Variants in RPS12 observed in about 807,000 individuals in gnomAD.
The protein encoded by RPS12 is small ribosomal subunit protein eS12.
Under a neutral mutation model 17.2 loss-of-function variants are expected in RPS12, and 1 was observed. The observed-to-expected ratio is 0.06, with a 90% CI of 0.02 to 0.28. The LOEUF (loss-of-function observed/expected upper bound fraction) is 0.28. Among genes scored for constraint, RPS12 ranks in the 10% least tolerant of loss-of-function variants. The pLI is 1.00. For synonymous variants in RPS12, 67 were observed against 54.0 expected (o/e 1.24, Z -1.06); for missense variants, 146 against 162.1 (o/e 0.90, Z 0.54).
chr6:132,816,421 C>T, intron 3 of RPS12, 40 bp from the exon 4 acceptor site: 5 of 1,464,148 alleles, frequency 3.4e-6, no homozygotes, highest in Non-Finnish European at 4.8e-6. Context: ...GGATTTGGAT[C>T]TGAGTTTTAG....
At chr6:132,815,724 G>A (rs1782035645) in intron 3 of RPS12, 2 of 456,466 alleles carry the variant, frequency 4.4e-6, no homozygotes, top group Admixed American at 4.7e-5. Context: ...GATGGAAACG[G>A]CATTATTGTT....
Position 132,816,508 on chromosome 6 carries a change from T to C in RPS12, c.179T>C (p.Met60Thr). 1 of 1,607,292 alleles carries C rather than the reference T, an allele frequency of 6.2e-7. No individual in the cohort carries two copies. Among genetic ancestry groups the C allele is most frequent in the Non-Finnish European group, 8.5e-7 (1 of 1,179,720 alleles). ...CVLASNCDEP[M>T]YVKLVEALCA... ...CTTGCATCCAACTGTGATGAGCCTA[T>C]GTATGTCAAGTTGGTGGAGGCCCTT... The change falls in exon 4 of 6, where the codon ATG (methionine) becomes ACG (threonine). Residue 60 changes from methionine to threonine, a missense_variant. Physicochemically the swap from Met to Thr is moderately conservative, Grantham distance 81 (BLOSUM62 -1). Transcript: ENST00000230050.
chr6:132,816,803 C>T (rs752735313), intron 4 of RPS12, 157 bp from the exon 5 acceptor site: 1 of 771,474 alleles, frequency 1.3e-6, no homozygotes, highest in South Asian at 1.4e-5. Flanking sequence ...GATCTTAGTG[C>T]TGTACATGAT....
rs770936254 is a variant in RPS12 at position 132,814,756 on chromosome 6, G to A, written c.-13G>A. 3.7e-6 allele frequency: 6 copies of A among 1,613,426 alleles called. No individual in the cohort carries two copies. Among genetic ancestry groups the A allele is most frequent in the South Asian group, 1.1e-5 (1 of 91,042 alleles). On this transcript the variant is annotated 5_prime_UTR_variant, in exon 2 of 6. Transcript: ENST00000230050. ...GTGCGTTCAAGATTCAACTTCACCC[G>A]TAACCCACCGCCATGGCCGAGGAAG... is the stretch of plus-strand genomic sequence containing the variant.
intron 1 of RPS12, 25 bp from the exon 2 acceptor site, chr6:132,814,707 A>G (rs1328708644): frequency 9.4e-6 from 15 of 1,591,444 alleles, no homozygotes; most frequent in Middle Eastern, 1.7e-4. Context: ...TGGTTCTTTA[A>G]CAAGTCAATG....
In RPS12 at chr6:132,814,796, C is replaced by A. The variant is rs1335901422; in HGVS notation, c.14+14C>A. On this transcript the variant is annotated intron_variant, in intron 2 of 5. Transcript: ENST00000230050. The stretch of plus-strand genomic sequence containing the variant: ...GGCCGAGGAAGGGTGAGCCCAGGGG[C>A]CGGGGTTGGAGTTGGGGTCGGGGTG... The A allele has an allele frequency of 4.3e-6, 7 of 1,612,126 alleles. No homozygotes were observed. In the South Asian group the frequency reaches 7.7e-5, roughly 18 times the overall value.
chr6:132,815,379 C>T (rs749771889), intron 3 of RPS12: 11 of 595,280 alleles, frequency 1.8e-5, no homozygotes, highest in South Asian at 5.5e-5. Flanking sequence ...GTCTGACAAA[C>T]CTGTAGGTTG....
intron 5 of RPS12, 101 bp from the exon 6 acceptor site, chr6:132,817,379 A>C (rs546681035): frequency 1.2e-6 from 1 of 860,016 alleles, no homozygotes; most frequent in Admixed American, 1.7e-5. Context: ...TTTTTATAAG[A>C]CATAGCTAAT....
At chr6:132,816,871 T>C (rs9389034) in intron 4 of RPS12, 89 bp from the exon 5 acceptor site, 379,188 of 924,678 alleles carry the variant, frequency 0.41, 79,993 homozygotes, top group Admixed American at 0.58. Context: ...ACCCTTCTGA[T>C]TACAGCCACC....
intron 3 of RPS12, chr6:132,815,674 A>C (rs557002584): frequency 2.2e-6 from 1 of 456,754 alleles, no homozygotes; most frequent in East Asian, 6.9e-5. Flanking sequence ...AAGGTTTTAC[A>C]GGACAAGTTC....
In RPS12 at chr6:132,817,112, A is replaced by G. The variant is rs1336480757; in HGVS notation, c.336+51A>G. 2.7e-6 allele frequency: 3 copies of G among 1,096,794 alleles called. No individual in the cohort carries two copies. The African/African-American group carries it at 4.7e-5, about 17-fold the overall frequency. The allele number at this position is 1,096,794 out of a possible 1,614,324, so 67.9% of individuals were successfully genotyped here. A position where few individuals can be genotyped will look rare whatever the true frequency, so the allele number is the denominator to read the frequency against. On this transcript the variant is annotated intron_variant, in intron 5 of 5. Transcript: ENST00000230050. ...GAAGGTTATGCTGGGTAATCATATA[A>G]AACCTTGTATTGAAATAAGTTGAGG...
At chr6:132,815,955 C>T (rs1782047442) in intron 3 of RPS12, 2 of 453,056 alleles carry the variant, frequency 4.4e-6, no homozygotes, top group South Asian at 3.1e-5. Context: ...CTTCTGCCTC[C>T]CGAGTAGATG....
rs539423662 is a variant in RPS12, at chr6:132,814,611, G to C, written c.-40G>C. 3.3e-6 allele frequency: 3 copies of C among 909,016 alleles called. No individual in the cohort carries two copies. Among genetic ancestry groups the C allele is most frequent in the East Asian group, 4.8e-5 (2 of 41,506 alleles). 56.3% of individuals were successfully genotyped at this position (909,016 alleles called of 1,614,324 possible). On this transcript the variant is annotated splice_region_variant and 5_prime_UTR_variant, in exon 1 of 6. Transcript: ENST00000230050. Reference sequence around the variant, plus strand: ...CCGAGTCGCGCGGAGGCGGAGGCTTGGGGTAAGTTGAGCGAGGCGGCAGGG... The same window carrying C: ...CCGAGTCGCGCGGAGGCGGAGGCTTCGGGTAAGTTGAGCGAGGCGGCAGGG...
At chr6:132,815,218 G>T in intron 3 of RPS12, 130 bp downstream of exon 3, 1 of 751,342 alleles carries the variant, frequency 1.3e-6, no homozygotes, top group Non-Finnish European at 2.4e-6. Context: ...CGGAAACCTA[G>T]GAAAAGGTAT....
At chr6:132,815,627 A>G (rs1782032105) in intron 3 of RPS12, 1 of 456,574 alleles carries the variant, frequency 2.2e-6, no homozygotes, top group Non-Finnish European at 4.4e-6. Context: ...GCATTGACAA[A>G]TCAACCTACT....
At position 132,817,463 on chromosome 6, in the gene RPS12, G is replaced by A. The variant is rs1229301430; in HGVS notation, c.337-17G>A. 6.4e-7 allele frequency: 1 copy of A among 1,552,428 alleles called. No homozygotes were observed. Among genetic ancestry groups the A allele is most frequent in the Admixed American group, 1.7e-5 (1 of 59,500 alleles). Reference sequence around the variant, plus strand: ...AATATTAACAAGAAATTGCATGCGTGTTTTGTTTTTTTTAAGGACTATGGC... The same window carrying A: ...AATATTAACAAGAAATTGCATGCGTATTTTGTTTTTTTTAAGGACTATGGC... On this transcript the variant is annotated splice_polypyrimidine_tract_variant and intron_variant, in intron 5 of 5. Transcript: ENST00000230050.
At chr6:132,815,229 CAG>C (rs1397827393) in intron 3 of RPS12, 141 bp downstream of exon 3, 2 of 743,338 alleles carry the variant, frequency 2.7e-6, no homozygotes, top group Admixed American at 3.7e-5. Context: ...GAAAAGGTAT[CAG>C]AACTCAGATC....
chr6:132,816,810 T>C (rs375782498), intron 4 of RPS12, 150 bp from the exon 5 acceptor site: 34 of 772,544 alleles, frequency 4.4e-5, no homozygotes, highest in Non-Finnish European at 7.1e-5. Flanking sequence ...GTGCTGTACA[T>C]GATGACAACT....
intron 3 of RPS12, chr6:132,815,867 G>A (rs1478720881): frequency 4.7e-6 from 2 of 425,434 alleles, no homozygotes; most frequent in Non-Finnish European, 9.1e-6. Flanking sequence ...TTGAGACAAA[G>A]AGTCTTGCTC....
Sources: allele counts gnomAD v4.1 joint callset, GRCh38; gene constraint gnomAD v4.1.1; transcripts MANE v1.5; gene names NCBI Gene and HGNC (gene_info 2026-07-23, HGNC 2026-07-21).